OGA: variants seen among roughly 807,000 people sequenced by gnomAD.
OGA encodes O-GlcNAcase, also known as protein O-GlcNAcase.
OGA carries 21 observed loss-of-function variants against 102.0 expected under a neutral mutation model. The observed-to-expected ratio is 0.21, with a 90% CI of 0.15 to 0.30. The LOEUF is 0.30. Among genes scored for constraint, OGA ranks in the 10% least tolerant of loss-of-function variants. The probability of loss-of-function intolerance (pLI) is 1.00; values close to 1 mark genes in which losing one functional copy is unlikely to be tolerated. For synonymous variants in OGA, 408 were observed against 378.2 expected (o/e 1.08, Z -0.91); for missense variants, 765 against 1,107.8 (o/e 0.69, Z 4.39).
chr10:101,812,739 T>A, intron 3 of OGA: 1 of 476,010 alleles, frequency 2.1e-6, no homozygotes, highest in South Asian at 1.8e-5. Context: ...CAGCACTTCT[T>A]TGCCCAGTGG....
intron 3 of OGA, among the ~76,000 whole-genome samples, chr10:101,811,979 TAAA>T (rs2065564461): frequency 6.6e-6 from 1 of 152,190 alleles, no homozygotes; most frequent in South Asian, 2.1e-4. Flanking sequence ...AAGGCACACT[TAAA>T]TAGAGTAGTA....
chr10:101,811,028 G>A (rs1406672691), intron 3 of OGA, among the ~76,000 whole-genome samples: 1 of 151,540 alleles, frequency 6.6e-6, no homozygotes, highest in East Asian at 1.9e-4. Context: ...CTGAACAGCT[G>A]GAATTCCTAA....
At chr10:101,790,873 A>T (rs1333806010) in intron 14 of OGA, 23 bp downstream of exon 14, 9 of 1,507,802 alleles carry the variant, frequency 6.0e-6, no homozygotes, top group Non-Finnish European at 8.1e-6. Flanking sequence ...TTACCATAGT[A>T]TAATTCTTAA....
chr10:101,802,703 C>T (rs1223603941), intron 7 of OGA, among the ~76,000 whole-genome samples: 1 of 151,574 alleles, frequency 6.6e-6, no homozygotes, highest in African/African-American at 2.4e-5. Context: ...TTATTCTTTG[C>T]CCCCTCAGTG....
At chr10:101,789,129 C>T (rs1028377717) in intron 14 of OGA, among the ~76,000 whole-genome samples, 4 of 152,158 alleles carry the variant, frequency 2.6e-5, no homozygotes, top group South Asian at 4.1e-4. Context: ...CCCAAGTAAG[C>T]GAGGCAACAC....
intron 10 of OGA, 140 bp from the exon 11 acceptor site, chr10:101,794,138 AATT>A: frequency 1.8e-6 from 1 of 540,866 alleles, no homozygotes; most frequent in Non-Finnish European, 3.3e-6. Flanking sequence ...CTATGATAAT[AATT>A]ATTATTTTTT....
At chr10:101,790,860 C>T (rs763173504) in intron 14 of OGA, 36 bp downstream of exon 14, 2 of 1,387,034 alleles carry the variant, frequency 1.4e-6, no homozygotes, top group Non-Finnish European at 1.9e-6. Flanking sequence ...ATAAAAAAGA[C>T]CATTACCATA....
Position 101,817,706 on chromosome 10 carries a change from C to A in OGA, c.199+118G>T, listed in dbSNP as rs2065656276. 3 of 1,170,274 alleles carry A rather than the reference C, an allele frequency of 2.6e-6. No homozygotes were observed. The Admixed American group carries it at 7.6e-5, about 30-fold the overall frequency. 72.5% of individuals were successfully genotyped at this position (1,170,274 alleles called of 1,614,324 possible). ...GTCTCTCCCCTCGCTTTAGGAGGGC[C>A]ACATTTCAGACCCAGAGGCTTTCCG... On this transcript the variant is annotated intron_variant, in intron 1 of 15. Coordinates refer to ENST00000361464, the MANE Select transcript of OGA (RefSeq NM_012215.5).
At chr10:101,808,018 G>C in intron 4 of OGA, 117 bp from the exon 5 acceptor site, 1 of 840,676 alleles carries the variant, frequency 1.2e-6, no homozygotes, top group East Asian at 3.0e-5. Flanking sequence ...TTCAAAGACA[G>C]ATTTATTGTT....
Position 101,798,889 on chromosome 10 carries a change from T to G in OGA, c.1762A>C (p.Asn588His), listed in dbSNP as rs1176802677. ...MLREFQWLRA[N>H]SSVVSVNCKG... ...CAATTGACACTGACAACACTACTAT[T>G]TGCTCGAAGCCATTGAAATTCCCGT... is the stretch of plus-strand genomic sequence containing the variant. The change falls in exon 9 of 16, where the codon AAT becomes CAT. Residue 588 changes from asparagine to histidine, a missense_variant. Asn to His is a moderately conservative substitution (Grantham distance 68, BLOSUM62 1). Around this residue, in one of 7 missense-constraint regions of OGA, gnomAD observed 281 missense variants for 345.8 expected, o/e 0.81. Transcript: ENST00000361464. The G allele has an allele frequency of 2.5e-6, 4 of 1,614,164 alleles. No homozygotes were observed. Among genetic ancestry groups the G allele is most frequent in the Non-Finnish European group, 3.4e-6 (4 of 1,180,014 alleles).
chr10:101,804,136 G>A, intron 6 of OGA, 117 bp from the exon 7 acceptor site: 1 of 852,084 alleles, frequency 1.2e-6, no homozygotes, highest in South Asian at 1.8e-5. Flanking sequence ...TTTGAGCCCA[G>A]GAGTTCGGAC....
intron 10 of OGA, chr10:101,796,963 T>C (rs2065324643): frequency 6.6e-6 from 1 of 152,160 alleles, no homozygotes; most frequent in East Asian, 1.9e-4. Flanking sequence ...AAAAAAGTTA[T>C]CTATTTTCAA....
At chr10:101,817,441 A>C (rs1479191059) in intron 1 of OGA, among the ~76,000 whole-genome samples, 2 of 152,208 alleles carry the variant, frequency 1.3e-5, no homozygotes, top group Non-Finnish European at 2.9e-5. Context: ...TTTTCCACAA[A>C]GGGTGGTGAC....
intron 3 of OGA, among the ~76,000 whole-genome samples, chr10:101,810,609 A>G (rs2065542241): frequency 2.0e-5 from 3 of 152,236 alleles, no homozygotes; most frequent in Non-Finnish European, 4.4e-5. Flanking sequence ...CCTTTTGGGG[A>G]AACAGGCTAA....
In OGA at chr10:101,817,907, T is replaced by C. The variant is rs764993364; in HGVS notation, c.116A>G (p.Glu39Gly). ...TCCCCCAGCCCCGGCGGGGTTGTCT[T>C]CTCCGGGTGCCGGAGCTGCCGGCGG... ...LEPPAAPAPG[E>G]DNPAGAGGAA... is the part of the protein sequence containing the mutation. Residue 39 changes from glutamate (E) to glycine (G), a missense_variant, in exon 1 of 16, where the codon GAA (glutamate) becomes GGA (glycine). Around this residue, in one of 7 missense-constraint regions of OGA, gnomAD observed 117 missense variants for 85.7 expected, o/e 1.36. Transcript: ENST00000361464. The C allele has an allele frequency of 5.7e-6, 9 of 1,569,270 alleles. No individual in the cohort carries two copies. The highest frequency in any genetic ancestry group is 4.3e-6 in the Non-Finnish European group (5 of 1,160,120).
intron 3 of OGA, among the ~76,000 whole-genome samples, 153 bp from the exon 4 acceptor site, chr10:101,810,467 C>T (rs2065539541): frequency 6.6e-6 from 1 of 152,154 alleles, no homozygotes; most frequent in Non-Finnish European, 1.5e-5. Flanking sequence ...TAACAACAGG[C>T]CATACAAAAT....
rs1301250050 is a variant in OGA, at chr10:101,798,125, C to T, written c.1839G>A (p.Lys613=). Residue 613 remains lysine, a synonymous_variant, in exon 10 of 16, where the codon AAG becomes AAA. Transcript: ENST00000361464. ...KIEEWRSRAA[K]FEEMCGLVMG... is the part of the protein sequence containing the mutation. ...TCACTAGTCCACACATCTCTTCAAA[C>T]TTGGCTGCTCGTGACCGCCATTCTT... 6.2e-7 allele frequency: 1 copy of T among 1,614,110 alleles called. No homozygotes were observed. Among genetic ancestry groups the T allele is most frequent in the Admixed American group, 1.7e-5 (1 of 60,006 alleles).
At chr10:101,810,892 T>C (rs7095274) in intron 3 of OGA, among the ~76,000 whole-genome samples, 2,797 of 152,210 alleles carry the variant, frequency 0.018, 88 homozygotes, top group African/African-American at 0.064. Context: ...GGTTTTGCCA[T>C]ATTGCCCAGG....
rs1480617468 is a variant in OGA, at chr10:101,813,091, G to A, written c.288C>T (p.Ala96=). 1.2e-6 allele frequency: 2 copies of A among 1,612,882 alleles called. No homozygotes were observed. Among genetic ancestry groups the A allele is most frequent in the Non-Finnish European group, 1.7e-6 (2 of 1,179,496 alleles). ...QKWELNTYLY[A]PKDDYKHRMF... is the part of the protein sequence containing the mutation. ...TCCTATGTTTGTAGTCATCTTTTGG[G>A]GCATACAAGTATGTATTTAATTCCC... The change falls in exon 3 of 16, where the codon GCC becomes GCT. Residue 96 remains alanine, a synonymous_variant. Coordinates refer to ENST00000361464, the MANE Select transcript of OGA (RefSeq NM_012215.5).
Sources: allele counts gnomAD v4.1 joint callset (sites outside exome capture counted in the v4.1 genomes callset), GRCh38; gene constraint gnomAD v4.1.1; regional missense constraint gnomAD v4.1.1; transcripts MANE v1.5; gene names NCBI Gene and HGNC (gene_info 2026-07-23, HGNC 2026-07-21).